Variants in STOX2 observed in about 807,000 individuals in gnomAD.
The protein encoded by STOX2 is storkhead box 2, also known as storkhead-box protein 2.
In STOX2, 28 loss-of-function variants were observed where a neutral mutation model predicts 60.9. The ratio of observed to expected loss-of-function variants is 0.46; its 90% CI spans 0.34 to 0.63. STOX2 has a LOEUF of 0.63. Among genes scored for constraint, STOX2 ranks in the 30% least tolerant of loss-of-function variants. The probability of loss-of-function intolerance (pLI) is 0.01; values close to 1 mark genes in which losing one functional copy is unlikely to be tolerated. For missense variants in STOX2, 1,024 were observed against 1,187.7 expected, an observed-to-expected ratio of 0.86 and a Z score of 2.03; for synonymous variants, 472 against 463.9, an observed-to-expected ratio of 1.02 and a Z score of -0.22.
chr4:183,834,190 C>T (rs959162280), intron 1 of STOX2, among the ~76,000 whole-genome samples: 50 of 152,070 alleles, frequency 3.3e-4, no homozygotes, highest in Admixed American at 3.3e-3. Context: ...ATTGATCTTC[C>T]TTTTGTTTCT....
At chr4:183,823,413 C>T (rs1397781282) in intron 1 of STOX2, among the ~76,000 whole-genome samples, 1 of 152,098 alleles carries the variant, frequency 6.6e-6, no homozygotes. Context: ...AAACAAAAAA[C>T]AAACAAACCA....
At position 184,021,160 on chromosome 4, in the gene STOX2, T is replaced by C. The variant is rs1184330693; in HGVS notation, c.*3876T>C. On this transcript the variant is annotated 3_prime_UTR_variant, in exon 4 of 4. Coordinates refer to ENST00000308497, the MANE Select transcript of STOX2 (RefSeq NM_020225.3). ...TTTAAAAACCAACAACAACCGATAA[T>C]GACTTTGCACGATTCACTTTGGGAT... The C allele has an allele frequency of 6.6e-6, 1 of 152,226 alleles. No individual in the cohort carries two copies. Among genetic ancestry groups the C allele is most frequent in the Non-Finnish European group, 1.5e-5 (1 of 68,038 alleles). 9.4% of individuals were successfully genotyped at this position (152,226 alleles called of 1,614,324 possible).
In STOX2 at chr4:184,009,873, T is replaced by A; in HGVS notation, c.1035T>A (p.Ser345Arg). The A allele has an allele frequency of 6.2e-7, 1 of 1,611,360 alleles. No individual in the cohort carries two copies. Among genetic ancestry groups the A allele is most frequent in the Non-Finnish European group, 8.5e-7 (1 of 1,178,862 alleles). ...KKLEEEKAQR[S>R]KAGSSAHHSG... ...TGGAAGAAGAAAAGGCCCAGAGGAG[T>A]AAAGCCGGGTCCTCTGCCCATCACA... is the stretch of plus-strand genomic sequence containing the variant. Residue 345 changes from serine to arginine, a missense_variant, in exon 3 of 4, where the codon AGT (serine) becomes AGA (arginine). By Grantham distance (110) the Ser-to-Arg change is moderately radical (BLOSUM62 -1). Coordinates refer to ENST00000308497, the MANE Select transcript of STOX2 (RefSeq NM_020225.3). The surrounding 1 kb of genome is among the most constrained non-coding windows in gnomAD (Gnocchi z 4.0).
rs1438261555 is a variant in STOX2, at chr4:184,011,371, G to A, written c.2533G>A (p.Asp845Asn). The change falls in exon 3 of 4, where the codon GAC becomes AAC. Residue 845 changes from aspartate (D) to asparagine (N), a missense_variant. This residue lies in a region of STOX2 where 922 missense variants were observed against 1,058.3 expected (regional missense o/e 0.87). Coordinates refer to ENST00000308497, the MANE Select transcript of STOX2 (RefSeq NM_020225.3). The surrounding 1 kb of genome is among the most constrained non-coding windows in gnomAD (Gnocchi z 4.4). ...GAGAGCCACCCATTCAGCCCGGCTC[G>A]ACAGCATGGACAGCAGCAGCATCAC... is the stretch of plus-strand genomic sequence containing the variant. ...NQRATHSARL[D>N]SMDSSSITVD... is the part of the protein sequence containing the mutation. 11 of 1,613,560 alleles carry A rather than the reference G, an allele frequency of 6.8e-6. No homozygotes were observed. The highest frequency in any genetic ancestry group is 1.3e-5 in the African/African-American group (1 of 75,008).
rs1042741495 is a variant in STOX2, at chr4:183,928,497, G to A, written c.166+21541G>A. On this transcript the variant is annotated intron_variant, in intron 1 of 3. Transcript: ENST00000308497. The stretch of plus-strand genomic sequence containing the variant: ...GAGAATAACAGAGGAGAGCCTTGGT[G>A]TTCAAGGATTTATCAGAGATTTCAA... Among the ~76,000 whole-genome samples, 8 of 152,214 alleles carry A rather than the reference G, an allele frequency of 5.3e-5. No individual in the cohort carries two copies. In the East Asian group the frequency reaches 1.3e-3, roughly 26 times the overall value.
At chr4:183,997,353 C>T (rs1733385520) in intron 1 of STOX2, among the ~76,000 whole-genome samples, 1 of 152,158 alleles carries the variant, frequency 6.6e-6, no homozygotes, top group Non-Finnish European at 1.5e-5. Context: ...CAGAGGAGGT[C>T]GTGAGTGGCA....
At chr4:183,954,892 C>T (rs898963996) in intron 1 of STOX2, among the ~76,000 whole-genome samples, 2 of 152,038 alleles carry the variant, frequency 1.3e-5, no homozygotes, top group African/African-American at 4.8e-5. Flanking sequence ...GCGTGCACCA[C>T]CACACCCAGC....
intron 1 of STOX2, among the ~76,000 whole-genome samples, chr4:183,989,197 T>TTTG (rs1553985299): frequency 3.5e-5 from 3 of 85,304 alleles, no homozygotes; most frequent in Admixed American, 2.7e-4. Flanking sequence ...TTTTTTTGTT[T>TTTG]GTTTGGTTTG....
At chr4:184,003,352 G>T (rs1378368583) in intron 2 of STOX2, among the ~76,000 whole-genome samples, 2 of 152,182 alleles carry the variant, frequency 1.3e-5, no homozygotes, top group African/African-American at 2.4e-5. Flanking sequence ...TCACTGCCAA[G>T]CAGCTGATAA....
At chr4:183,902,824 C>T (rs1452419181), upstream of STOX2, among the ~76,000 whole-genome samples, 3 of 152,174 alleles carry the variant, frequency 2.0e-5, no homozygotes, top group East Asian at 3.8e-4. Context: ...CCATCTGATC[C>T]GATTCAGCTA....
intron 1 of STOX2, among the ~76,000 whole-genome samples, chr4:183,824,125 G>GT (rs1560832345): frequency 6.6e-6 from 1 of 152,100 alleles, no homozygotes; most frequent in Non-Finnish European, 1.5e-5. Context: ...ACATACAATG[G>GT]TTTTTTTGAG....
chr4:183,862,723 G>A lies in STOX2; in HGVS notation c.364+64668G>A, dbSNP rs191137796. 6.3e-4 allele frequency among the ~76,000 whole-genome samples: 96 copies of A among 152,342 alleles called. No homozygotes were observed. In the Middle Eastern group the frequency reaches 0.014, roughly 22 times the overall value. ...GATACAGGCTTTGGGGGCAAATTGC[G>A]TTTTAAGATCAAGGGTAATTAGTGT... On this transcript the variant is annotated intron_variant, in intron 1 of 2. Coordinates refer to the STOX2 transcript ENST00000513034.
At chr4:183,891,809 T>A (rs7692942) in intron 1 of STOX2, among the ~76,000 whole-genome samples, 147,935 of 152,168 alleles carry the variant, frequency 0.97, 72,021 homozygotes, top group Non-Finnish European at 1. Flanking sequence ...AATGAAAATT[T>A]AAAAAAAAGG....
rs1168918524 is a variant in STOX2, at chr4:184,009,624, G to C, written c.786G>C (p.Gln262His). ...CAAAACCTAAAGATAGTGAAAAGCA[G>C]TCAAAAAAATTCGGGCTAAAGTTAT... ...TLSKPKDSEK[Q>H]SKKFGLKLFR... Residue 262 changes from glutamine (Q) to histidine (H), a missense_variant, in exon 3 of 4, where the codon CAG becomes CAC. Transcript: ENST00000308497. The surrounding 1 kb of genome is among the most constrained non-coding windows in gnomAD (Gnocchi z 4.0). 1 of 1,613,866 alleles carries C rather than the reference G, an allele frequency of 6.2e-7. No homozygotes were observed. Among genetic ancestry groups the C allele is most frequent in the Non-Finnish European group, 8.5e-7 (1 of 1,179,886 alleles).
At chr4:183,916,926 AGT>A (rs2111095561) in intron 1 of STOX2, among the ~76,000 whole-genome samples, 1 of 152,244 alleles carries the variant, frequency 6.6e-6, no homozygotes, top group South Asian at 2.1e-4. Flanking sequence ...AACCTGATGG[AGT>A]GTGACCGAGC....
At chr4:183,866,650 G>T (rs1740574200) in intron 1 of STOX2, among the ~76,000 whole-genome samples, 1 of 152,144 alleles carries the variant, frequency 6.6e-6, no homozygotes, top group Non-Finnish European at 1.5e-5. Context: ...TCCTTTCATT[G>T]TTCTTTATCT....
chr4:183,837,931 G>T (rs1739755827), intron 1 of STOX2, among the ~76,000 whole-genome samples: 1 of 152,092 alleles, frequency 6.6e-6, no homozygotes, highest in South Asian at 2.1e-4. Flanking sequence ...GTGCAGATGT[G>T]GGTGTCTGTT....
intron 1 of STOX2, among the ~76,000 whole-genome samples, chr4:183,838,951 C>G (rs1304401447): frequency 2.6e-5 from 4 of 151,970 alleles, no homozygotes; most frequent in Non-Finnish European, 5.9e-5. Context: ...ATTGTGCTAG[C>G]CAGAGAAAGA....
In STOX2 at chr4:183,932,151, A is replaced by T. The variant is rs750474756; in HGVS notation, c.166+25195A>T. On this transcript the variant is annotated intron_variant, in intron 1 of 3. Transcript: ENST00000308497. ...GGAAGGAGGAGTCAAGGTGATACCC[A>T]GTTTCTGAGAAAGGGAGAGGTGCCA... Among the ~76,000 whole-genome samples the T allele has an allele frequency of 5.9e-5, 9 of 152,056 alleles. No homozygotes were observed. The East Asian group carries it at 1.5e-3, about 26-fold the overall frequency.
Sources: allele counts gnomAD v4.1 joint callset (sites outside exome capture counted in the v4.1 genomes callset), GRCh38; gene constraint gnomAD v4.1.1; regional missense constraint gnomAD v4.1.1; non-coding constraint Gnocchi (gnomAD v3.1); transcripts MANE v1.5; gene names NCBI Gene and HGNC (gene_info 2026-07-23, HGNC 2026-07-21).